RIN3: variants seen among roughly 807,000 people sequenced by gnomAD.
The protein encoded by RIN3 is RAB5 interacting protein 3.
In RIN3, 54 loss-of-function variants were observed where a neutral mutation model predicts 76.3. The ratio of observed to expected loss-of-function variants is 0.71; its 90% confidence interval spans 0.57 to 0.89. The LOEUF (loss-of-function observed/expected upper bound fraction) is 0.89. Among genes scored for constraint, RIN3 ranks in the 40% least tolerant of loss-of-function variants. The pLI is 0.00. For synonymous variants in RIN3, 576 were observed against 564.0 expected (o/e 1.02, Z -0.30); for missense variants, 1,256 against 1,322.1 (o/e 0.95, Z 0.78).
chr14:92,624,891 G>A (rs1886297227), intron 4 of RIN3, among the ~76,000 whole-genome samples: 1 of 152,098 alleles, frequency 6.6e-6, no homozygotes, highest in African/African-American at 2.4e-5. Flanking sequence ...ATCCTTTCTC[G>A]GCAGTTCAGA....
intron 1 of RIN3, among the ~76,000 whole-genome samples, chr14:92,524,285 C>G (rs1360134021): frequency 6.6e-6 from 1 of 152,206 alleles, no homozygotes; most frequent in East Asian, 1.9e-4. Context: ...CATTCATTCA[C>G]TGTCTCTTCG....
chr14:92,551,460 A>C (rs1357939297), intron 1 of RIN3, among the ~76,000 whole-genome samples: 1 of 152,148 alleles, frequency 6.6e-6, no homozygotes, highest in Non-Finnish European at 1.5e-5. Flanking sequence ...CCTCGGGTGT[A>C]TACCTAGGAG....
chr14:92,647,528 G>C (rs1028562850), intron 5 of RIN3, among the ~76,000 whole-genome samples: 10 of 152,250 alleles, frequency 6.6e-5, no homozygotes, highest in Non-Finnish European at 1.3e-4. Context: ...AAGTTTGCTT[G>C]TAACTTGCTT....
chr14:92,684,684 T>A (rs946825876), intron 8 of RIN3, among the ~76,000 whole-genome samples: 3 of 152,138 alleles, frequency 2.0e-5, no homozygotes, highest in Non-Finnish European at 4.4e-5. Flanking sequence ...TTCTTGTGTA[T>A]CCTTTAAATT....
At chr14:92,524,343 G>A (rs1896674134) in intron 1 of RIN3, among the ~76,000 whole-genome samples, 1 of 152,210 alleles carries the variant, frequency 6.6e-6, no homozygotes, top group African/African-American at 2.4e-5. Context: ...CACTTGCTGA[G>A]TGTCAAGCTT....
At chr14:92,516,921 A>G (rs1215014885) in intron 1 of RIN3, among the ~76,000 whole-genome samples, 1 of 152,208 alleles carries the variant, frequency 6.6e-6, no homozygotes, top group Non-Finnish European at 1.5e-5. Context: ...AAGCAGAGAG[A>G]GGCATGATAT....
chr14:92,682,490 C>A (rs138405546), intron 8 of RIN3, among the ~76,000 whole-genome samples: 1 of 152,242 alleles, frequency 6.6e-6, no homozygotes, highest in Non-Finnish European at 1.5e-5. Context: ...ATCCAGGGAA[C>A]TATGGGCCCA....
intron 1 of RIN3, among the ~76,000 whole-genome samples, chr14:92,539,826 G>A (rs1017222218): frequency 1.2e-4 from 18 of 152,166 alleles, no homozygotes; most frequent in African/African-American, 4.3e-4. Flanking sequence ...CAAGGAGAAG[G>A]CAGAGCAGCT....
chr14:92,572,877 C>CTTTTTTTTTTTTTT (rs763771909), intron 2 of RIN3, among the ~76,000 whole-genome samples: 10 of 100,094 alleles, frequency 1.0e-4, no homozygotes, highest in Non-Finnish European at 1.7e-4. Flanking sequence ...CTTTTTTTTG[C>CTTTTTTTTTTTTTT]TTTTTTTTTT....
intron 4 of RIN3, among the ~76,000 whole-genome samples, chr14:92,622,893 G>T (rs1027840984): frequency 1.3e-5 from 2 of 152,222 alleles, no homozygotes; most frequent in South Asian, 2.1e-4. Flanking sequence ...ATTTATACAT[G>T]TTCTGCTTTA....
At chr14:92,672,386 T>C (rs1174818136) in intron 7 of RIN3, among the ~76,000 whole-genome samples, 1 of 152,180 alleles carries the variant, frequency 6.6e-6, no homozygotes, top group East Asian at 1.9e-4. Context: ...CACTCCAGCC[T>C]GGGCGACAAG....
chr14:92,632,942 G>A lies in RIN3; in HGVS notation c.441-8296G>A, dbSNP rs117680427. Among the ~76,000 whole-genome samples, 456 of 152,316 alleles carry A rather than the reference G, an allele frequency of 3.0e-3. 3 individuals are homozygous for A. The highest frequency in any genetic ancestry group is 4.4e-3 in the Non-Finnish European group (296 of 68,016). ...GAACGCCGTGCCTAGGGATTGCAGG[G>A]ACTTCCTTCCGCAGGTGCTGTGAGC... On this transcript the variant is annotated intron_variant, in intron 4 of 9. Coordinates refer to ENST00000216487, the MANE Select transcript of RIN3 (RefSeq NM_024832.5).
At position 92,643,810 on chromosome 14, in the gene RIN3, C is replaced by T. The variant is rs191680506; in HGVS notation, c.532+2481C>T. Among the ~76,000 whole-genome samples, 2 of 152,274 alleles carry T rather than the reference C, an allele frequency of 1.3e-5. No individual in the cohort carries two copies. Among genetic ancestry groups the T allele is most frequent in the East Asian group, 3.9e-4 (2 of 5,176 alleles). On this transcript the variant is annotated intron_variant, in intron 5 of 9. Transcript: ENST00000216487. The surrounding 1 kb of genome is among the most constrained non-coding windows in gnomAD (Gnocchi z 4.8). ...GGGCATAATGGCATGTGCCTGTAAT[C>T]CCAGCTACTCCGGAGGCTGAGGCAG...
chr14:92,604,609 A>G (rs921850997), intron 3 of RIN3, among the ~76,000 whole-genome samples: 7 of 151,954 alleles, frequency 4.6e-5, no homozygotes, highest in African/African-American at 7.2e-5. Flanking sequence ...CCCGATAACA[A>G]TTTCCTCCTG....
At chr14:92,666,168 G>A (rs532866049) in intron 7 of RIN3, among the ~76,000 whole-genome samples, 2 of 152,028 alleles carry the variant, frequency 1.3e-5, no homozygotes, top group East Asian at 3.9e-4. Context: ...CACCTCCAGG[G>A]AAGATGCCTC....
At position 92,688,465 on chromosome 14, in the gene RIN3, C is replaced by A. The variant is rs1425505944; in HGVS notation, c.*213C>A. Reference sequence around the variant, plus strand: ...TCCTAATAGCCCTGAGACACCGAGACGGCATGTTCTTCATTAGACGGAAAG... The same window carrying A: ...TCCTAATAGCCCTGAGACACCGAGAAGGCATGTTCTTCATTAGACGGAAAG... On this transcript the variant is annotated 3_prime_UTR_variant, in exon 10 of 10. Transcript: ENST00000216487. The A allele has an allele frequency of 7.0e-6, 4 of 571,240 alleles. No individual in the cohort carries two copies. In the Admixed American group the frequency reaches 9.5e-5, roughly 14 times the overall value. The allele number at this position is 571,240 out of a possible 1,614,324, so 35.4% of individuals were successfully genotyped here. A position where few individuals can be genotyped will look rare whatever the true frequency, so the allele number is the denominator to read the frequency against.
At chr14:92,626,177 C>T (rs1388765089) in intron 4 of RIN3, among the ~76,000 whole-genome samples, 1 of 152,136 alleles carries the variant, frequency 6.6e-6, no homozygotes, top group African/African-American at 2.4e-5. Flanking sequence ...TCATATTTTC[C>T]CAGCAGACTG....
At chr14:92,686,443 G>T (rs1888859688) in intron 9 of RIN3, 6 of 152,292 alleles carry the variant, frequency 3.9e-5, no homozygotes, top group Admixed American at 2.0e-4. Flanking sequence ...TGAATGTGGA[G>T]TTGGAAAGAA....
At chr14:92,549,402 T>G (rs1006738032) in intron 1 of RIN3, among the ~76,000 whole-genome samples, 8 of 152,170 alleles carry the variant, frequency 5.3e-5, no homozygotes, top group African/African-American at 1.9e-4. Flanking sequence ...CGGAACCCTG[T>G]GAAGCTGGGA....
Sources: gnomAD v4.1 joint callset for allele counts (sites outside exome capture counted in the v4.1 genomes callset) on GRCh38, gnomAD v4.1.1 for gene constraint, Gnocchi (gnomAD v3.1) non-coding constraint, MANE v1.5 for transcripts, NCBI Gene and HGNC (gene_info 2026-07-23, HGNC 2026-07-21) for gene names.